SCUBE3: variants seen among roughly 807,000 people sequenced by gnomAD.
SCUBE3 encodes the protein signal peptide, CUB domain and EGF like domain containing 3.
SCUBE3 carries 33 observed loss-of-function variants against 116.8 expected under a neutral mutation model. The observed-to-expected ratio is 0.28, with a 90% CI of 0.21 to 0.38. SCUBE3 has a LOEUF of 0.38. SCUBE3 is among the 10% of genes least tolerant of loss of function. SCUBE3 has a pLI of 1.00. For missense variants in SCUBE3, 1,007 were observed against 1,324.8 expected (o/e 0.76, Z 3.72); for synonymous variants, 418 against 496.9 (o/e 0.84, Z 2.11).
Position 35,245,235 on chromosome 6 carries a change from G to C in SCUBE3, c.2409G>C (p.Gln803His), listed in dbSNP as rs757926032. ...STSVAQCKNR[Q>H]CGGELGEFTG... ...ACTGGGGTTTGGCTGCAGATCGTCA[G>C]TGTGGTGGGGAGCTGGGTGAGTTCA... The change falls in exon 19 of 22, where the codon CAG becomes CAC. Residue 803 changes from glutamine (Q) to histidine (H), a missense_variant. Transcript: ENST00000274938. This position sits in a 1 kb window ranked among gnomAD's most constrained non-coding sequence, Gnocchi z 4.2. 6.2e-7 allele frequency: 1 copy of C among 1,614,186 alleles called. No individual in the cohort carries two copies. Among genetic ancestry groups the C allele is most frequent in the Non-Finnish European group, 8.5e-7 (1 of 1,180,026 alleles).
At position 35,226,480 on chromosome 6, in the gene SCUBE3, C is replaced by CTTTTTTT. The variant is rs764779695; in HGVS notation, c.86-1084_86-1078dup. Among the ~76,000 whole-genome samples, 53 of 85,230 alleles carry CTTTTTTT rather than the reference C, an allele frequency of 6.2e-4. 2 individuals carry two copies. The highest frequency in any genetic ancestry group is 1.2e-3 in the African/African-American group (25 of 20,734). The allele number at this position is 85,230 out of a possible 152,430, so 55.9% of individuals were successfully genotyped here. ...CAGAAGTTGGACTCTTTTCTATGTC[C>CTTTTTTT]TTTTTTTTTTTTTTTTTTTTTTGAG... On this transcript the variant is annotated intron_variant, in intron 1 of 21. Coordinates refer to ENST00000274938, the MANE Select transcript of SCUBE3 (RefSeq NM_152753.4).
rs1200297270 is a variant in SCUBE3 at position 35,241,287 on chromosome 6, G to A, written c.1195+21G>A. The A allele has an allele frequency of 1.3e-6, 2 of 1,576,608 alleles. No individual in the cohort carries two copies. Among genetic ancestry groups the A allele is most frequent in the Non-Finnish European group, 1.7e-6 (2 of 1,155,476 alleles). On this transcript the variant is annotated intron_variant, in intron 10 of 21. Transcript: ENST00000274938. The surrounding 1 kb of genome is among the most constrained non-coding windows in gnomAD (Gnocchi z 4.1). Reference sequence around the variant, plus strand: ...CACAGGTGGGCAGTGCCCTCTGCTGGCCAAAGATGACACTGCCATTTCAGG... The same window carrying A: ...CACAGGTGGGCAGTGCCCTCTGCTGACCAAAGATGACACTGCCATTTCAGG...
rs1784205775 is a variant in SCUBE3, at chr6:35,243,837, C to T, written c.2071+82C>T. The T allele has an allele frequency of 6.5e-7, 1 of 1,547,508 alleles. No individual in the cohort carries two copies. The highest frequency in any genetic ancestry group is 8.9e-7 in the Non-Finnish European group (1 of 1,129,428). On this transcript the variant is annotated intron_variant, in intron 16 of 21. Transcript: ENST00000274938. The surrounding 1 kb of genome is among the most constrained non-coding windows in gnomAD (Gnocchi z 6.6). Reference sequence around the variant, plus strand: ...GGCATGGGATTTCCCAAAGGGCAGGCCCAGGCTCCAGGCCACTCTCTTAGT... The same window carrying T: ...GGCATGGGATTTCCCAAAGGGCAGGTCCAGGCTCCAGGCCACTCTCTTAGT...
In SCUBE3 at chr6:35,231,969, CCTT is replaced by C. The variant is rs1265151138; in HGVS notation, c.469+116_469+118del. 4.2e-6 allele frequency: 4 copies of C among 951,688 alleles called. No individual in the cohort carries two copies. Among genetic ancestry groups the C allele is most frequent in the East Asian group, 2.6e-5 (1 of 38,370 alleles). 59.0% of individuals were successfully genotyped at this position (951,688 alleles called of 1,614,324 possible). A position where few individuals can be genotyped will look rare whatever the true frequency, so the allele number is the denominator to read the frequency against. On this transcript the variant is annotated intron_variant, in intron 4 of 21. Coordinates refer to ENST00000274938, the MANE Select transcript of SCUBE3 (RefSeq NM_152753.4). This position sits in a 1 kb window ranked among gnomAD's most constrained non-coding sequence, Gnocchi z 4.2. ...CCCTCCATTCTCAACTCAGCTAGCT[CCTT>C]CTTCTCTTGTCCTTCAACTCAATCA...
At position 35,232,780 on chromosome 6, in the gene SCUBE3, G is replaced by T. The variant is rs1444421298; in HGVS notation, c.470-70G>T. On this transcript the variant is annotated intron_variant, in intron 4 of 21. Transcript: ENST00000274938. This position sits in a 1 kb window ranked among gnomAD's most constrained non-coding sequence, Gnocchi z 4.2. Reference sequence around the variant, plus strand: ...CTCCCAGTTCCCTAGGTCCCCAGTTGCCCCCTGTAGTTTTTCTTTTCTAGA... The same window carrying T: ...CTCCCAGTTCCCTAGGTCCCCAGTTTCCCCCTGTAGTTTTTCTTTTCTAGA... 1 of 1,496,226 alleles carries T rather than the reference G, an allele frequency of 6.7e-7. No homozygotes were observed. The highest frequency in any genetic ancestry group is 9.3e-7 in the Non-Finnish European group (1 of 1,078,678). 92.7% of individuals were successfully genotyped at this position (1,496,226 alleles called of 1,614,324 possible). A position where few individuals can be genotyped will look rare whatever the true frequency, so the allele number is the denominator to read the frequency against.
intron 14 of SCUBE3, 74 bp downstream of exon 14, chr6:35,242,854 G>A (rs986317036): frequency 1.9e-6 from 3 of 1,569,012 alleles, no homozygotes; most frequent in African/African-American, 1.4e-5. Context: ...GGTCTCAGCA[G>A]CAAAAGGAAG....
Position 35,231,685 on chromosome 6 carries a change from C to G in SCUBE3, c.335-40C>G, listed in dbSNP as rs1305190899. ...GTCTTGGGATATACCCTGGACCCTG[C>G]CTGTACCCCATGACCCCACTGACTA... On this transcript the variant is annotated intron_variant, in intron 3 of 21. Transcript: ENST00000274938. The surrounding 1 kb of genome is among the most constrained non-coding windows in gnomAD (Gnocchi z 4.2). The G allele has an allele frequency of 5.1e-6, 8 of 1,571,304 alleles. No individual in the cohort carries two copies. The highest frequency in any genetic ancestry group is 7.0e-6 in the Non-Finnish European group (8 of 1,150,138).
chr6:35,242,415 G>T, intron 13 of SCUBE3, 95 bp downstream of exon 13: 1 of 1,026,820 alleles, frequency 9.7e-7, no homozygotes. Flanking sequence ...CCAGAACCCT[G>T]AACTCTAGGC....
chr6:35,218,188 C>A (rs372853729), intron 1 of SCUBE3: 2 of 980,908 alleles, frequency 2.0e-6, no homozygotes, highest in Admixed American at 1.2e-4. Flanking sequence ...TAAGAGGAGC[C>A]GGCCCTGGGT....
rs146811669 is a variant in SCUBE3, at chr6:35,241,810, T to G, written c.1317T>G (p.Ser439=). 2.2e-5 allele frequency: 36 copies of G among 1,612,788 alleles called. No individual in the cohort carries two copies. In the African/African-American group the frequency reaches 4.7e-4, roughly 21 times the overall value. ...GTGACAGGCTCCTTTTCTCAGAGTC[T>G]GAGAATGGCTTCACGGTGAGCTGTG... The part of the protein sequence containing the change: ...CPSRARFLPE[S]ENGFTVSCGT... The change falls in exon 12 of 22, where the codon TCT becomes TCG. Residue 439 remains serine (S), a synonymous_variant. Coordinates refer to ENST00000274938, the MANE Select transcript of SCUBE3 (RefSeq NM_152753.4). The surrounding 1 kb of genome is among the most constrained non-coding windows in gnomAD (Gnocchi z 4.1).
In SCUBE3 at chr6:35,250,661, G is replaced by A. The variant is rs1437863836; in HGVS notation, c.*1956G>A. On this transcript the variant is annotated 3_prime_UTR_variant, in exon 22 of 22. Transcript: ENST00000274938. ...GTTTTCTCACTCTAGTTCCCCCAAAGCTGTAGTCCCAATCAATCAAAGGCT... is the reference window on the plus strand; with the variant it reads ...GTTTTCTCACTCTAGTTCCCCCAAAACTGTAGTCCCAATCAATCAAAGGCT... 1 of 151,366 alleles carries A rather than the reference G, an allele frequency of 6.6e-6. No individual in the cohort carries two copies. Among genetic ancestry groups the A allele is most frequent in the Non-Finnish European group, 1.5e-5 (1 of 68,014 alleles). 9.4% of individuals were successfully genotyped at this position (151,366 alleles called of 1,614,324 possible). A position where few individuals can be genotyped will look rare whatever the true frequency, so the allele number is the denominator to read the frequency against.
chr6:35,241,197 C>T lies in SCUBE3; in HGVS notation c.1126C>T (p.Pro376Ser), dbSNP rs145866895. 162 of 1,606,758 alleles carry T rather than the reference C, an allele frequency of 1.0e-4. No individual in the cohort carries two copies. The East Asian group carries it at 2.4e-3, about 24-fold the overall frequency. ...TTGCCGCTTTGGCTGCATCAACACTCCTGGCAGCTACCAGTGTACCTGCCC... is the reference window on the plus strand; with the variant it reads ...TTGCCGCTTTGGCTGCATCAACACTTCTGGCAGCTACCAGTGTACCTGCCC... ...GGCRFGCINT[P>S]GSYQCTCPAG... Residue 376 changes from proline (P) to serine (S), a missense_variant, in exon 10 of 22, where the codon CCT becomes TCT. This residue lies in a region of SCUBE3 where 544 missense variants were observed against 638.9 expected (regional missense o/e 0.85). Transcript: ENST00000274938. The surrounding 1 kb of genome is among the most constrained non-coding windows in gnomAD (Gnocchi z 4.1).
In SCUBE3 at chr6:35,232,740, A is replaced by T; in HGVS notation, c.470-110A>T. 1 of 1,093,812 alleles carries T rather than the reference A, an allele frequency of 9.1e-7. No homozygotes were observed. 67.8% of individuals were successfully genotyped at this position (1,093,812 alleles called of 1,614,324 possible). A position where few individuals can be genotyped will look rare whatever the true frequency, so the allele number is the denominator to read the frequency against. On this transcript the variant is annotated intron_variant, in intron 4 of 21. Transcript: ENST00000274938. The surrounding 1 kb of genome is among the most constrained non-coding windows in gnomAD (Gnocchi z 4.2). Reference sequence around the variant, plus strand: ...GAGTCAGTCCCCTCGTGTTGAATTCAACCTCAGTAGAATTCTCCCAGTTCC... The same window carrying T: ...GAGTCAGTCCCCTCGTGTTGAATTCTACCTCAGTAGAATTCTCCCAGTTCC...
rs1783634513 is a variant in SCUBE3, at chr6:35,233,468, AAG to A, written c.712+173_712+174del. 6.6e-6 allele frequency among the ~76,000 whole-genome samples: 1 copy of A among 152,236 alleles called. No homozygotes were observed. Among genetic ancestry groups the A allele is most frequent in the African/African-American group, 2.4e-5 (1 of 41,546 alleles). On this transcript the variant is annotated intron_variant, in intron 6 of 21. Coordinates refer to ENST00000274938, the MANE Select transcript of SCUBE3 (RefSeq NM_152753.4). The surrounding 1 kb of genome is among the most constrained non-coding windows in gnomAD (Gnocchi z 5.7). ...GCCAGGTCTAGTAAGGGACAACTCA[AAG>A]AGAGACTGAAGGGCTCCCCAGCCCT...
Position 35,243,448 on chromosome 6 carries a change from C to T in SCUBE3, c.1910-146C>T. On this transcript the variant is annotated intron_variant, in intron 15 of 21. Transcript: ENST00000274938. This position sits in a 1 kb window ranked among gnomAD's most constrained non-coding sequence, Gnocchi z 6.6. Reference sequence around the variant, plus strand: ...CCTCCTGCACACGGTTTTGACCCTCCTATCCCCCCAAGTAGGATTGTGTTT... The same window carrying T: ...CCTCCTGCACACGGTTTTGACCCTCTTATCCCCCCAAGTAGGATTGTGTTT... The T allele has an allele frequency of 1.1e-6, 1 of 895,136 alleles. No individual in the cohort carries two copies. Among genetic ancestry groups the T allele is most frequent in the Non-Finnish European group, 1.7e-6 (1 of 588,928 alleles). 55.4% of individuals were successfully genotyped at this position (895,136 alleles called of 1,614,324 possible). A position where few individuals can be genotyped will look rare whatever the true frequency, so the allele number is the denominator to read the frequency against.
In SCUBE3 at chr6:35,242,323, T is replaced by C; in HGVS notation, c.1534+3T>C. ...GGCTGGCAGAATCACAGGGCCAGGT[T>C]TGGACTGGGGACCCCATTCCAGTTG... is the stretch of plus-strand genomic sequence containing the variant. On this transcript the variant is annotated splice_donor_region_variant and intron_variant, in intron 13 of 21. Coordinates refer to ENST00000274938, the MANE Select transcript of SCUBE3 (RefSeq NM_152753.4). 1 of 1,596,402 alleles carries C rather than the reference T, an allele frequency of 6.3e-7. No individual in the cohort carries two copies. The highest frequency in any genetic ancestry group is 1.1e-5 in the South Asian group (1 of 90,724).
rs1482939282 is a variant in SCUBE3, at chr6:35,225,004, G to A, written c.86-2576G>A. On this transcript the variant is annotated intron_variant, in intron 1 of 21. Transcript: ENST00000274938. ...GCCACTAGCCACATGTGGCTATTGC[G>A]CATTTGGCCTGTGGCTAGTGCAACT... Among the ~76,000 whole-genome samples the A allele has an allele frequency of 4.6e-5, 7 of 152,156 alleles. 1 individual carries two copies. The highest frequency in any genetic ancestry group is 7.4e-5 in the Non-Finnish European group (5 of 68,020).
chr6:35,246,306 A>T lies in SCUBE3; in HGVS notation c.2832+21A>T, dbSNP rs570461995. On this transcript the variant is annotated intron_variant, in intron 21 of 21. Coordinates refer to ENST00000274938, the MANE Select transcript of SCUBE3 (RefSeq NM_152753.4). ...TAAAGGTGAATGAATATTAACAATA[A>T]TGATAGCTAACATTTAATAAGCATG... 11 of 1,520,042 alleles carry T rather than the reference A, an allele frequency of 7.2e-6. 1 individual carries two copies. In the South Asian group the frequency reaches 1.2e-4, roughly 17 times the overall value. 94.2% of individuals were successfully genotyped at this position (1,520,042 alleles called of 1,614,324 possible). A position where few individuals can be genotyped will look rare whatever the true frequency, so the allele number is the denominator to read the frequency against.
chr6:35,241,374 G>C lies in SCUBE3; in HGVS notation c.1195+108G>C, dbSNP rs181201077. 19 of 1,330,678 alleles carry C rather than the reference G, an allele frequency of 1.4e-5. No homozygotes were observed. The African/African-American group carries it at 2.6e-4, about 18-fold the overall frequency. 82.4% of individuals were successfully genotyped at this position (1,330,678 alleles called of 1,614,324 possible). Reference sequence around the variant, plus strand: ...TTGGGGAAAGGTGTGAGGTGGAAAGGGTGGAGAATGTAGCCATTTTGAGTT... The same window carrying C: ...TTGGGGAAAGGTGTGAGGTGGAAAGCGTGGAGAATGTAGCCATTTTGAGTT... On this transcript the variant is annotated intron_variant, in intron 10 of 21. Coordinates refer to ENST00000274938, the MANE Select transcript of SCUBE3 (RefSeq NM_152753.4). This position sits in a 1 kb window ranked among gnomAD's most constrained non-coding sequence, Gnocchi z 4.1.
Sources: gnomAD v4.1 joint callset for allele counts (sites outside exome capture counted in the v4.1 genomes callset) on GRCh38, gnomAD v4.1.1 for gene constraint, gnomAD v4.1.1 regional missense constraint, Gnocchi (gnomAD v3.1) non-coding constraint, MANE v1.5 for transcripts, NCBI Gene and HGNC (gene_info 2026-07-23, HGNC 2026-07-21) for gene names.